Variants in PTPRK observed in about 807,000 individuals in gnomAD.
PTPRK encodes the protein protein tyrosine phosphatase receptor type K, also known as receptor-type tyrosine-protein phosphatase kappa.
Under a neutral mutation model 178.0 loss-of-function variants are expected in PTPRK, and 75 were observed. That is an observed-to-expected ratio of 0.42 (90% CI 0.35 to 0.51). PTPRK has a LOEUF of 0.51. Ranked by LOEUF, PTPRK falls within the 20% of genes least tolerant of loss-of-function variation. PTPRK has a pLI of 0.02. For synonymous variants in PTPRK, 637 were observed against 620.6 expected, an observed-to-expected ratio of 1.03 and a Z score of -0.39; for missense variants, 1,441 against 1,797.8, an observed-to-expected ratio of 0.80 and a Z score of 3.59.
chr6:128,450,587 G>T (rs1293097570), intron 1 of PTPRK, among the ~76,000 whole-genome samples: 4 of 152,112 alleles, frequency 2.6e-5, no homozygotes, highest in African/African-American at 9.7e-5. Flanking sequence ...TCATATTAAG[G>T]CACTACTTAC....
intron 3 of PTPRK, among the ~76,000 whole-genome samples, chr6:128,285,322 C>T (rs1435542629): frequency 1.3e-5 from 2 of 151,412 alleles, no homozygotes; most frequent in Admixed American, 6.6e-5. Context: ...TGAGACCAGC[C>T]TGGCCAACAT....
chr6:128,110,681 A>C (rs963705270), intron 7 of PTPRK, among the ~76,000 whole-genome samples: 1 of 152,166 alleles, frequency 6.6e-6, no homozygotes, highest in African/African-American at 2.4e-5. Context: ...AGTCAAGCAC[A>C]GTACTGTCTG....
chr6:128,341,811 C>A (rs1831701504), intron 2 of PTPRK, among the ~76,000 whole-genome samples: 3 of 152,180 alleles, frequency 2.0e-5, no homozygotes, highest in African/African-American at 7.2e-5. Context: ...CTGGAGAATA[C>A]AGGTTTATTT....
intron 7 of PTPRK, among the ~76,000 whole-genome samples, chr6:128,175,488 T>C (rs921334895): frequency 6.6e-6 from 1 of 151,492 alleles, no homozygotes; most frequent in Admixed American, 6.6e-5. Context: ...TACATTCAGA[T>C]ATATATATAT....
At chr6:128,206,392 T>C (rs1048030792) in intron 6 of PTPRK, among the ~76,000 whole-genome samples, 1 of 119,368 alleles carries the variant, frequency 8.4e-6, no homozygotes, top group Non-Finnish European at 1.7e-5. Context: ...CTGCTAATAA[T>C]AAAGGGTGTT....
At chr6:128,287,089 C>A (rs746551272) in intron 3 of PTPRK, among the ~76,000 whole-genome samples, 15 of 152,084 alleles carry the variant, frequency 9.9e-5, no homozygotes, top group Non-Finnish European at 2.2e-4. Context: ...CATCTTCTTT[C>A]TCTCCAGTTC....
At chr6:128,349,613 AAGAC>A (rs1222180663) in intron 2 of PTPRK, among the ~76,000 whole-genome samples, 2 of 152,096 alleles carry the variant, frequency 1.3e-5, no homozygotes, top group Non-Finnish European at 1.5e-5. Flanking sequence ...AAGGGAGAGA[AAGAC>A]AGAAACATAT....
intron 6 of PTPRK, among the ~76,000 whole-genome samples, chr6:128,215,145 T>C (rs977969240): frequency 2.0e-5 from 3 of 152,160 alleles, no homozygotes; most frequent in African/African-American, 7.2e-5. Context: ...ATGATAGATA[T>C]AAAACTATAA....
intron 11 of PTPRK, among the ~76,000 whole-genome samples, chr6:128,071,491 T>C (rs1782817331): frequency 6.6e-6 from 1 of 152,074 alleles, no homozygotes; most frequent in Non-Finnish European, 1.5e-5. Context: ...GCTGTACTGC[T>C]GTCTTTCTGT....
intron 11 of PTPRK, among the ~76,000 whole-genome samples, chr6:128,069,547 T>C (rs1341814515): frequency 6.6e-6 from 1 of 152,208 alleles, no homozygotes; most frequent in Non-Finnish European, 1.5e-5. Flanking sequence ...TTGTATATTA[T>C]ACATTTGCAT....
At chr6:128,440,816 G>A (rs1157397856) in intron 1 of PTPRK, among the ~76,000 whole-genome samples, 1 of 151,820 alleles carries the variant, frequency 6.6e-6, no homozygotes, top group Non-Finnish European at 1.5e-5. Context: ...GACTACAATT[G>A]ATTTAAGTAG....
chr6:128,038,215 A>C (rs1386492010), intron 13 of PTPRK, among the ~76,000 whole-genome samples: 1 of 152,140 alleles, frequency 6.6e-6, no homozygotes, highest in African/African-American at 2.4e-5. Flanking sequence ...TCTAGGAGAA[A>C]TTTAAAATAC....
intron 6 of PTPRK, among the ~76,000 whole-genome samples, chr6:128,188,787 GTGGTGC>G (rs1803210018): frequency 6.6e-6 from 1 of 152,080 alleles, no homozygotes; most frequent in Non-Finnish European, 1.5e-5. Flanking sequence ...CTAACTTCTG[GTGGTGC>G]TGGTATTCCT....
chr6:128,366,070 C>T (rs909592974), intron 2 of PTPRK, among the ~76,000 whole-genome samples: 7 of 152,052 alleles, frequency 4.6e-5, no homozygotes, highest in African/African-American at 1.7e-4. Flanking sequence ...ATAGAATATT[C>T]CTGATGAACT....
At chr6:128,075,678 T>C (rs944971562) in intron 11 of PTPRK, among the ~76,000 whole-genome samples, 1 of 152,062 alleles carries the variant, frequency 6.6e-6, no homozygotes. Flanking sequence ...ATATAGAATG[T>C]TATTGAGTCA....
At chr6:128,180,618 T>A (rs552737748) in intron 7 of PTPRK, among the ~76,000 whole-genome samples, 1 of 152,036 alleles carries the variant, frequency 6.6e-6, no homozygotes, top group African/African-American at 2.4e-5. Context: ...ACAAAAAGCT[T>A]TGGCAACCAG....
At chr6:128,501,561 T>G (rs1855564254) in intron 1 of PTPRK, among the ~76,000 whole-genome samples, 1 of 152,252 alleles carries the variant, frequency 6.6e-6, no homozygotes, top group African/African-American at 2.4e-5. Flanking sequence ...AACAAAGGCA[T>G]GTGGAGCACA....
chr6:128,271,282 C>G (rs1327437436), intron 3 of PTPRK, among the ~76,000 whole-genome samples: 2 of 152,142 alleles, frequency 1.3e-5, no homozygotes, highest in African/African-American at 2.4e-5. Context: ...TGGTAGCTGA[C>G]TACTCCAGAG....
At chr6:128,132,939 C>T (rs1442540807) in intron 7 of PTPRK, among the ~76,000 whole-genome samples, 1 of 152,120 alleles carries the variant, frequency 6.6e-6, no homozygotes, top group African/African-American at 2.4e-5. Flanking sequence ...CAACTTTCTA[C>T]AGAAAGTCAC....
Sources: gnomAD v4.1 joint callset for allele counts (sites outside exome capture counted in the v4.1 genomes callset) on GRCh38, gnomAD v4.1.1 for gene constraint, MANE v1.5 for transcripts, NCBI Gene and HGNC (gene_info 2026-07-23, HGNC 2026-07-21) for gene names.